Variants in SPTBN1 observed in about 807,000 individuals in gnomAD.
SPTBN1 encodes the protein spectrin beta chain, non-erythrocytic 1.
Under a neutral mutation model 266.4 loss-of-function variants are expected in SPTBN1, and 32 were observed. The ratio of observed to expected loss-of-function variants is 0.12; its 90% confidence interval spans 0.09 to 0.16. SPTBN1 has a LOEUF of 0.16. Ranked by LOEUF, SPTBN1 falls within the 10% of genes least tolerant of loss-of-function variation. SPTBN1 has a pLI of 1.00. For missense variants in SPTBN1, 2,296 were observed against 3,067.1 expected (o/e 0.75, Z 5.94); for synonymous variants, 1,336 against 1,162.2 (o/e 1.15, Z -3.04).
At position 54,657,961 on chromosome 2, in the gene SPTBN1, A is replaced by T; in HGVS notation, c.6158A>T (p.Glu2053Val). 6.2e-7 allele frequency: 1 copy of T among 1,614,220 alleles called. No individual in the cohort carries two copies. Among genetic ancestry groups the T allele is most frequent in the Non-Finnish European group, 8.5e-7 (1 of 1,180,034 alleles). ...REIGQSVDEV[E>V]KLIKRHEAFE... ...ATAGGCCAGAGCGTGGACGAGGTGG[A>T]GAAGCTCATCAAGCGCCACGAGGCA... Residue 2053 changes from glutamate to valine, a missense_variant, in exon 30 of 36, where the codon GAG (glutamate) becomes GTG (valine). Physicochemically the swap from Glu to Val is moderately radical, Grantham distance 121. Coordinates refer to ENST00000356805, the MANE Select transcript of SPTBN1 (RefSeq NM_003128.3).
intron 2 of SPTBN1, among the ~76,000 whole-genome samples, chr2:54,531,361 C>T (rs932163039): frequency 6.6e-6 from 1 of 152,150 alleles, no homozygotes; most frequent in Non-Finnish European, 1.5e-5. Context: ...ACTGGGGAAT[C>T]AGACTACTAA....
chr2:54,475,087 TC>T (rs1667756202), intron 1 of SPTBN1, among the ~76,000 whole-genome samples: 1 of 152,094 alleles, frequency 6.6e-6, no homozygotes, highest in Non-Finnish European at 1.5e-5. Context: ...ATGCCTATAA[TC>T]CCAGCTACTC....
intron 1 of SPTBN1, among the ~76,000 whole-genome samples, chr2:54,485,454 A>G (rs1017714593): frequency 1.3e-5 from 2 of 152,202 alleles, no homozygotes; most frequent in Non-Finnish European, 2.9e-5. Context: ...CGGCCTCCCA[A>G]GGTGCCGGGA....
chr2:54,562,527 C>CTTTTTCTT (rs147927212), intron 2 of SPTBN1, among the ~76,000 whole-genome samples: 2 of 63,992 alleles, frequency 3.1e-5, no homozygotes, highest in Non-Finnish European at 5.5e-5. Context: ...CTTTTCTTTT[C>CTTTTTCTT]TTTTTCTTTT....
chr2:54,579,285 C>T lies in SPTBN1; in HGVS notation c.149-19807C>T, dbSNP rs536379512. Among the ~76,000 whole-genome samples the T allele has an allele frequency of 2.0e-5, 3 of 152,276 alleles. No individual in the cohort carries two copies. The South Asian group carries it at 6.2e-4, about 32-fold the overall frequency. On this transcript the variant is annotated intron_variant, in intron 2 of 35. Transcript: ENST00000356805. ...AGCTTCCGTTTGACCTGAGGCATCCCTCAGGTATGAGAATGTCACCCAGAG... is the reference window on the plus strand; with the variant it reads ...AGCTTCCGTTTGACCTGAGGCATCCTTCAGGTATGAGAATGTCACCCAGAG...
intron 2 of SPTBN1, among the ~76,000 whole-genome samples, chr2:54,592,903 G>A (rs1675780243): frequency 6.6e-6 from 1 of 152,140 alleles, no homozygotes; most frequent in East Asian, 1.9e-4. Flanking sequence ...CTGAGCCTTG[G>A]GCTTTGCTAG....
intron 32 of SPTBN1, chr2:54,660,459 G>A (rs139034106): frequency 2.1e-4 from 207 of 997,878 alleles, no homozygotes; most frequent in Non-Finnish European, 2.4e-4. Flanking sequence ...ATATGTAGCC[G>A]CCTTTACAGA....
chr2:54,643,524 C>T (rs1278516893), intron 19 of SPTBN1, among the ~76,000 whole-genome samples: 1 of 152,014 alleles, frequency 6.6e-6, no homozygotes, highest in African/African-American at 2.4e-5. Context: ...ATTGCTTTTT[C>T]CTATGAGACT....
chr2:54,656,069 T>A, intron 29 of SPTBN1, 71 bp downstream of exon 29: 1 of 1,299,472 alleles, frequency 7.7e-7, no homozygotes, highest in Non-Finnish European at 1.1e-6. Context: ...TTTCTTGCTT[T>A]AATTCATTAA....
chr2:54,625,062 A>G (rs1262350080), intron 11 of SPTBN1, 100 bp downstream of exon 11: 1 of 1,400,338 alleles, frequency 7.1e-7, no homozygotes, highest in Non-Finnish European at 9.5e-7. Flanking sequence ...GCTTATCGAC[A>G]TTCATTATTC....
At chr2:54,527,671 C>T (rs1384972212) in intron 2 of SPTBN1, 1 of 152,260 alleles carries the variant, frequency 6.6e-6, no homozygotes, top group African/African-American at 2.4e-5. Context: ...CAGGCTCCAT[C>T]CTGTAGTCCC....
Position 54,626,797 on chromosome 2 carries a change from T to C in SPTBN1, c.1644+563T>C, listed in dbSNP as rs1247411938. On this transcript the variant is annotated intron_variant, in intron 12 of 35. Transcript: ENST00000356805. This position sits in a 1 kb window ranked among gnomAD's most constrained non-coding sequence, Gnocchi z 4.7. The stretch of plus-strand genomic sequence containing the variant: ...TGCAAGGATGGAATGCGGTAGTATG[T>C]GCACAGATCATGGGATGGGCTGGAT... 6.6e-6 allele frequency among the ~76,000 whole-genome samples: 1 copy of C among 152,238 alleles called. No individual in the cohort carries two copies. Among genetic ancestry groups the C allele is most frequent in the African/African-American group, 2.4e-5 (1 of 41,468 alleles).
intron 1 of SPTBN1, among the ~76,000 whole-genome samples, chr2:54,472,454 C>G (rs1235903583): frequency 6.6e-6 from 1 of 152,142 alleles, no homozygotes; most frequent in Non-Finnish European, 1.5e-5. Context: ...GCTGTGGAAT[C>G]TTGTCTTAGC....
intron 2 of SPTBN1, among the ~76,000 whole-genome samples, chr2:54,597,644 A>G (rs1676179012): frequency 6.6e-6 from 1 of 152,116 alleles, no homozygotes; most frequent in Non-Finnish European, 1.5e-5. Context: ...AACCAATGTC[A>G]TCTCTGCCTC....
At chr2:54,549,305 A>G (rs1672430119) in intron 2 of SPTBN1, among the ~76,000 whole-genome samples, 2 of 152,150 alleles carry the variant, frequency 1.3e-5, no homozygotes, top group African/African-American at 4.8e-5. Context: ...AAAAAAAAAA[A>G]AAAAGACTTG....
intron 33 of SPTBN1, among the ~76,000 whole-genome samples, chr2:54,665,478 C>T (rs1249935309): frequency 2.0e-5 from 3 of 152,224 alleles, no homozygotes; most frequent in Non-Finnish European, 4.4e-5. Context: ...GTCTGTCTTT[C>T]TGTCAAGTTG....
chr2:54,494,094 G>A (rs1309069086), intron 1 of SPTBN1, among the ~76,000 whole-genome samples: 2 of 152,204 alleles, frequency 1.3e-5, no homozygotes, highest in Admixed American at 1.3e-4. Flanking sequence ...ATGAGGTACG[G>A]TGTAGGAATT....
rs1156479700 is a variant in SPTBN1, at chr2:54,622,485, C to T, written c.1062C>T (p.Pro354=). Residue 354 remains proline, a splice_region_variant and synonymous_variant, in exon 9 of 36, where the codon CCC becomes CCT. Coordinates refer to ENST00000356805, the MANE Select transcript of SPTBN1 (RefSeq NM_003128.3). The stretch of plus-strand genomic sequence containing the variant: ...CTTACCGCACTGTGGAGAAACCACC[C>T]AAGTAAGATGCATATTGTAGTGTGA... ...FNTYRTVEKP[P]KFTEKGNLEV... 1.4e-5 allele frequency: 22 copies of T among 1,613,626 alleles called. No individual in the cohort carries two copies. In the Admixed American group the frequency reaches 2.8e-4, roughly 21 times the overall value.
rs978454221 is a variant in SPTBN1 at position 54,574,227 on chromosome 2, G to A, written c.149-24865G>A. ...AAGAATGCTAGAGATAGGGTCAGGC[G>A]TTATCTCTGTTTACAGATGAGGAAA... is the stretch of plus-strand genomic sequence containing the variant. On this transcript the variant is annotated intron_variant, in intron 2 of 35. Coordinates refer to ENST00000356805, the MANE Select transcript of SPTBN1 (RefSeq NM_003128.3). Among the ~76,000 whole-genome samples the A allele has an allele frequency of 3.9e-5, 6 of 152,016 alleles. No homozygotes were observed. The South Asian group carries it at 6.2e-4, about 16-fold the overall frequency.
Sources: gnomAD v4.1 joint callset for allele counts (sites outside exome capture counted in the v4.1 genomes callset) on GRCh38, gnomAD v4.1.1 for gene constraint, Gnocchi (gnomAD v3.1) non-coding constraint, MANE v1.5 for transcripts, NCBI Gene and HGNC (gene_info 2026-07-23, HGNC 2026-07-21) for gene names.